Variants in PDZRN4 observed in about 807,000 individuals in gnomAD.
PDZRN4 encodes PDZ domain containing ring finger 4.
PDZRN4 carries 70 observed loss-of-function variants against 99.0 expected under a neutral mutation model. The observed-to-expected ratio is 0.71, with a 90% confidence interval of 0.58 to 0.86. The LOEUF (loss-of-function observed/expected upper bound fraction) is 0.86, where lower values mean the gene tolerates loss of function less well. Among genes scored for constraint, PDZRN4 ranks in the 40% least tolerant of loss-of-function variants. The pLI, the probability that PDZRN4 is intolerant of heterozygous loss-of-function variation, is 0.00. For missense variants in PDZRN4, 1,474 were observed against 1,331.2 expected, an observed-to-expected ratio of 1.11 and a Z score of -1.67; for synonymous variants, 551 against 501.6, an observed-to-expected ratio of 1.10 and a Z score of -1.32.
intron 8 of PDZRN4, among the ~76,000 whole-genome samples, chr12:41,565,091 T>C (rs1939341064): frequency 6.6e-6 from 1 of 152,194 alleles, no homozygotes; most frequent in African/African-American, 2.4e-5. Flanking sequence ...TGTTAATCTT[T>C]GATGGAATAC....
At chr12:41,261,694 T>G (rs1401404973) in intron 3 of PDZRN4, among the ~76,000 whole-genome samples, 1 of 152,178 alleles carries the variant, frequency 6.6e-6, no homozygotes, top group African/African-American at 2.4e-5. Context: ...TTTCACCGTG[T>G]TAGCCAGGAT....
intron 3 of PDZRN4, among the ~76,000 whole-genome samples, chr12:41,205,040 A>C (rs1950839649): frequency 6.6e-6 from 1 of 151,864 alleles, no homozygotes; most frequent in African/African-American, 2.4e-5. Flanking sequence ...TTTATGATTC[A>C]TAGACTATAA....
chr12:41,533,206 G>A (rs995101807), intron 5 of PDZRN4, among the ~76,000 whole-genome samples: 6 of 147,542 alleles, frequency 4.1e-5, no homozygotes, highest in Admixed American at 6.8e-5. Flanking sequence ...ATGGAGTCTC[G>A]CTCTGTCCCC....
intron 3 of PDZRN4, among the ~76,000 whole-genome samples, chr12:41,220,283 T>G (rs1483939755): frequency 6.6e-6 from 1 of 152,116 alleles, no homozygotes; most frequent in Non-Finnish European, 1.5e-5. Context: ...GCCACCCTCT[T>G]GCTGTGTCTT....
intron 3 of PDZRN4, among the ~76,000 whole-genome samples, chr12:41,338,591 A>G (rs1951792054): frequency 6.6e-6 from 1 of 152,062 alleles, no homozygotes; most frequent in African/African-American, 2.4e-5. Flanking sequence ...GAAGACCCAA[A>G]TAAATAAAAT....
intron 3 of PDZRN4, among the ~76,000 whole-genome samples, chr12:41,435,544 C>G (rs1007320771): frequency 4.6e-5 from 7 of 152,128 alleles, no homozygotes; most frequent in African/African-American, 1.7e-4. Context: ...ATCCCAGCAC[C>G]TTGGGAGGCC....
At chr12:41,221,674 G>A (rs1437475174) in intron 3 of PDZRN4, among the ~76,000 whole-genome samples, 55 of 151,992 alleles carry the variant, frequency 3.6e-4, no homozygotes, top group African/African-American at 7.2e-5. Flanking sequence ...CTTCTAGATC[G>A]CAAGCAGTTA....
intron 5 of PDZRN4, among the ~76,000 whole-genome samples, chr12:41,517,747 AC>A (rs1350946424): frequency 3.3e-5 from 5 of 152,046 alleles, no homozygotes; most frequent in African/African-American, 1.2e-4. Flanking sequence ...ATCCTTAAAA[AC>A]TTTTACGAGT....
At chr12:41,542,061 C>A (rs1303318123) in intron 5 of PDZRN4, among the ~76,000 whole-genome samples, 4 of 152,196 alleles carry the variant, frequency 2.6e-5, no homozygotes, top group African/African-American at 9.6e-5. Flanking sequence ...GAAGTACAAT[C>A]ATCGAATCAG....
At chr12:41,508,016 ATAGC>A (rs1386116051) in intron 4 of PDZRN4, among the ~76,000 whole-genome samples, 1 of 152,206 alleles carries the variant, frequency 6.6e-6, no homozygotes, top group Non-Finnish European at 1.5e-5. Context: ...ATGAATAATA[ATAGC>A]TAGCTTGTAT....
intron 3 of PDZRN4, among the ~76,000 whole-genome samples, chr12:41,469,493 A>G (rs1021516824): frequency 1.3e-5 from 2 of 152,222 alleles, no homozygotes; most frequent in Non-Finnish European, 2.9e-5. Context: ...TCCTTCTACT[A>G]CGTAGATTCT....
chr12:41,289,494 T>G (rs1951442759), intron 3 of PDZRN4, among the ~76,000 whole-genome samples: 1 of 152,160 alleles, frequency 6.6e-6, no homozygotes, highest in Non-Finnish European at 1.5e-5. Context: ...CCCTGAAATA[T>G]AAATGCAGGG....
At position 41,217,514 on chromosome 12, in the gene PDZRN4, G is replaced by A. The variant is rs148902884; in HGVS notation, c.843+23326G>A. On this transcript the variant is annotated intron_variant, in intron 3 of 9. Coordinates refer to ENST00000402685, the MANE Select transcript of PDZRN4 (RefSeq NM_001164595.2). ...ATTTTTTAACATGAGAAAAAAAATA[G>A]CAGGTTTCAGAGATCCAATTAGATA... 1.3e-3 allele frequency among the ~76,000 whole-genome samples: 195 copies of A among 152,098 alleles called. 1 individual carries two copies. Among genetic ancestry groups the A allele is most frequent in the African/African-American group, 4.5e-3 (185 of 41,512 alleles).
At position 41,223,868 on chromosome 12, in the gene PDZRN4, G is replaced by C. The variant is rs377440435; in HGVS notation, c.843+29680G>C. Among the ~76,000 whole-genome samples the C allele has an allele frequency of 2.2e-4, 33 of 152,338 alleles. No homozygotes were observed. In the East Asian group the frequency reaches 2.5e-3, roughly 12 times the overall value. On this transcript the variant is annotated intron_variant, in intron 3 of 9. Transcript: ENST00000402685. ...AAGGCTGCAGCCCCTTTATGACCCT[G>C]TGGGTCCAGGGCAGGGTTAGAGGGA... is the stretch of plus-strand genomic sequence containing the variant.
At chr12:41,534,159 A>C (rs1424685556) in intron 5 of PDZRN4, among the ~76,000 whole-genome samples, 2 of 152,190 alleles carry the variant, frequency 1.3e-5, no homozygotes, top group Non-Finnish European at 2.9e-5. Flanking sequence ...TTTTTAAGCT[A>C]TTATACTCAT....
intron 3 of PDZRN4, among the ~76,000 whole-genome samples, chr12:41,322,652 G>A (rs900417999): frequency 2.0e-5 from 3 of 151,270 alleles, no homozygotes; most frequent in Non-Finnish European, 4.4e-5. Context: ...CACCACGCCC[G>A]GCTAATTATT....
At chr12:41,275,106 C>G (rs1421715016) in intron 3 of PDZRN4, among the ~76,000 whole-genome samples, 1 of 152,142 alleles carries the variant, frequency 6.6e-6, no homozygotes, top group African/African-American at 2.4e-5. Context: ...AGAGGCTTGA[C>G]TGGCATGGGA....
Position 41,384,262 on chromosome 12 carries a change from T to C in PDZRN4, c.844-122194T>C, listed in dbSNP as rs1952149221. Among the ~76,000 whole-genome samples, 3 of 152,164 alleles carry C rather than the reference T, an allele frequency of 2.0e-5. No homozygotes were observed. The South Asian group carries it at 6.2e-4, about 32-fold the overall frequency. ...TTTATAAATCTTTTTCCATTCACTCTGGAGACTTTTTTAAAGGCTATTTCT... is the reference window on the plus strand; with the variant it reads ...TTTATAAATCTTTTTCCATTCACTCCGGAGACTTTTTTAAAGGCTATTTCT... On this transcript the variant is annotated intron_variant, in intron 3 of 9. Transcript: ENST00000402685.
chr12:41,238,848 T>A (rs886084811), intron 3 of PDZRN4, among the ~76,000 whole-genome samples: 1 of 152,162 alleles, frequency 6.6e-6, no homozygotes, highest in African/African-American at 2.4e-5. Flanking sequence ...AAGGGAATGC[T>A]TTTACACTGT....
Sources: gnomAD v4.1 joint callset for allele counts (sites outside exome capture counted in the v4.1 genomes callset) on GRCh38, gnomAD v4.1.1 for gene constraint, MANE v1.5 for transcripts, NCBI Gene and HGNC (gene_info 2026-07-23, HGNC 2026-07-21) for gene names.